Variants in SLC6A6 observed in about 807,000 individuals in gnomAD.
SLC6A6 encodes solute carrier family 6 member 6.
SLC6A6 carries 16 observed loss-of-function variants against 68.8 expected under a neutral mutation model. The ratio of observed to expected loss-of-function variants is 0.23; its 90% CI spans 0.16 to 0.35. The LOEUF is 0.35. Among genes scored for constraint, SLC6A6 ranks in the 10% least tolerant of loss-of-function variants. SLC6A6 has a pLI of 1.00. For synonymous variants in SLC6A6, 312 were observed against 315.4 expected, an observed-to-expected ratio of 0.99 and a Z score of 0.12; for missense variants, 474 against 802.8, an observed-to-expected ratio of 0.59 and a Z score of 4.95.
At chr3:14,469,638 A>T (rs1333260796) in intron 9 of SLC6A6, among the ~76,000 whole-genome samples, 1 of 152,128 alleles carries the variant, frequency 6.6e-6, no homozygotes, top group Non-Finnish European at 1.5e-5. Context: ...AGGCCTTCTG[A>T]CACAAGGGTG....
chr3:14,410,340 C>A (rs1287245136), intron 1 of SLC6A6, among the ~76,000 whole-genome samples: 2 of 152,172 alleles, frequency 1.3e-5, no homozygotes, highest in Non-Finnish European at 2.9e-5. Flanking sequence ...TGATATTGTT[C>A]ATGACTCTCA....
In SLC6A6 at chr3:14,481,509, C is replaced by CG. The variant is rs369786603; in HGVS notation, c.1552-155dup. On this transcript the variant is annotated intron_variant, in intron 13 of 14. Coordinates refer to ENST00000622186, the MANE Select transcript of SLC6A6 (RefSeq NM_003043.6). The surrounding 1 kb of genome is among the most constrained non-coding windows in gnomAD (Gnocchi z 4.7). ...ACGACTTACTGTGTTTTTACCGGGG[C>CG]GGGGGGGATCCTTATGGCAGCAGAG... is the stretch of plus-strand genomic sequence containing the variant. 4.6e-5 allele frequency among the ~76,000 whole-genome samples: 7 copies of CG among 150,874 alleles called. No individual in the cohort carries two copies. The highest frequency in any genetic ancestry group is 5.9e-5 in the Non-Finnish European group (4 of 67,748).
rs950572109 is a variant in SLC6A6, at chr3:14,468,627, G to A, written c.1096+415G>A. On this transcript the variant is annotated intron_variant, in intron 9 of 14. Transcript: ENST00000622186. The surrounding 1 kb of genome is among the most constrained non-coding windows in gnomAD (Gnocchi z 4.5). ...TTCTGTATTTTGCACTTTGCTCCCA[G>A]CGTGCTCCCTCTAAGCAGACGCATT... Among the ~76,000 whole-genome samples, 1 of 152,208 alleles carries A rather than the reference G, an allele frequency of 6.6e-6. No individual in the cohort carries two copies. Among genetic ancestry groups the A allele is most frequent in the African/African-American group, 2.4e-5 (1 of 41,516 alleles).
intron 14 of SLC6A6, among the ~76,000 whole-genome samples, chr3:14,484,288 C>T (rs541229582): frequency 2.1e-3 from 327 of 152,312 alleles, no homozygotes; most frequent in Non-Finnish European, 1.4e-3. Context: ...AGCTCAAATG[C>T]GAGCAAGGTT....
intron 2 of SLC6A6, among the ~76,000 whole-genome samples, chr3:14,420,950 G>A (rs1699471869): frequency 2.0e-5 from 3 of 152,324 alleles, no homozygotes; most frequent in African/African-American, 4.8e-5. Flanking sequence ...TTGAGTGGGC[G>A]TCTTTACACG....
intron 3 of SLC6A6, chr3:14,444,624 T>C: frequency 2.4e-6 from 1 of 413,228 alleles, no homozygotes; most frequent in Non-Finnish European, 4.9e-6. Flanking sequence ...GGTGACTGCT[T>C]GTTGTCAAAG....
chr3:14,469,514 T>G (rs1700703956), intron 9 of SLC6A6, among the ~76,000 whole-genome samples: 1 of 152,192 alleles, frequency 6.6e-6, no homozygotes, highest in South Asian at 2.1e-4. Flanking sequence ...TGTTCCCTTC[T>G]CAGATGAGGA....
Position 14,477,293 on chromosome 3 carries a change from C to G in SLC6A6, c.1298C>G (p.Ala433Gly). Residue 433 changes from alanine to glycine, a missense_variant, in exon 11 of 15, where the codon GCC becomes GGC. Physicochemically the swap from Ala to Gly is moderately conservative, Grantham distance 60. Around this residue, in one of 2 missense-constraint regions of SLC6A6, gnomAD observed 194 missense variants for 269.8 expected, o/e 0.72. Coordinates refer to ENST00000622186, the MANE Select transcript of SLC6A6 (RefSeq NM_003043.6). This position sits in a 1 kb window ranked among gnomAD's most constrained non-coding sequence, Gnocchi z 4.2. ...RKGYRREIFI[A>G]FVCSISYLLG... ...GGTTATCGTCGGGAAATCTTCATCG[C>G]CTTCGTGTGTAGCATCAGCTACCTG... 1 of 1,614,090 alleles carries G rather than the reference C, an allele frequency of 6.2e-7. No homozygotes were observed. Among genetic ancestry groups the G allele is most frequent in the Non-Finnish European group, 8.5e-7 (1 of 1,179,898 alleles).
At chr3:14,453,910 A>G (rs1236946190) in intron 5 of SLC6A6, among the ~76,000 whole-genome samples, 3 of 152,146 alleles carry the variant, frequency 2.0e-5, no homozygotes, top group African/African-American at 2.4e-5. Context: ...TGTTCAGGGA[A>G]TGGCCCAGAT....
chr3:14,448,106 G>C (rs1027475205), intron 5 of SLC6A6: 17 of 1,130,738 alleles, frequency 1.5e-5, no homozygotes, highest in Non-Finnish European at 2.0e-5. Context: ...AGGCAGGTAT[G>C]CATACTTATG....
chr3:14,431,398 C>T (rs1699720969), intron 2 of SLC6A6, among the ~76,000 whole-genome samples: 1 of 152,190 alleles, frequency 6.6e-6, no homozygotes, highest in African/African-American at 2.4e-5. Flanking sequence ...AAGCAGGACC[C>T]GGGTGACTGG....
Position 14,481,817 on chromosome 3 carries a change from C to T in SLC6A6, c.1698C>T (p.Cys566=). The T allele has an allele frequency of 6.2e-7, 1 of 1,614,034 alleles. No individual in the cohort carries two copies. Reference sequence around the variant, plus strand: ...CCTTGGTCATCGTCATCCGCCTCTGCCAGACTGAGGGGCCGTTCCTTGTGG... The same window carrying T: ...CCTTGGTCATCGTCATCCGCCTCTGTCAGACTGAGGGGCCGTTCCTTGTGG... The part of the protein sequence containing the change: ...CVPLVIVIRL[C]QTEGPFLVRV... The change falls in exon 14 of 15, where the codon TGC becomes TGT. Residue 566 remains cysteine, a synonymous_variant. Coordinates refer to ENST00000622186, the MANE Select transcript of SLC6A6 (RefSeq NM_003043.6). This position sits in a 1 kb window ranked among gnomAD's most constrained non-coding sequence, Gnocchi z 4.7.
chr3:14,467,573 C>T (rs1700649682), intron 7 of SLC6A6, among the ~76,000 whole-genome samples: 1 of 152,118 alleles, frequency 6.6e-6, no homozygotes, highest in Admixed American at 6.5e-5. Flanking sequence ...ATTTACTTGC[C>T]CACTGTCATT....
chr3:14,462,594 G>C (rs1700520412), intron 6 of SLC6A6, among the ~76,000 whole-genome samples: 1 of 152,148 alleles, frequency 6.6e-6, no homozygotes, highest in African/African-American at 2.4e-5. Context: ...AGCTACTCAG[G>C]AGGCTGAGGT....
At position 14,431,512 on chromosome 3, in the gene SLC6A6, A is replaced by G. The variant is rs549460817; in HGVS notation, c.-11-12112A>G. On this transcript the variant is annotated intron_variant, in intron 2 of 14. Transcript: ENST00000622186. ...GGGGTACCTGCTCATTAGGCAGGGG[A>G]AGAGTGTACCGGGCTGAGGGCACAG... 9.6e-4 allele frequency among the ~76,000 whole-genome samples: 146 copies of G among 152,222 alleles called. 1 individual carries two copies. The highest frequency in any genetic ancestry group is 3.5e-3 in the African/African-American group (145 of 41,516).
Position 14,481,921 on chromosome 3 carries a change from C to T in SLC6A6, c.1722+80C>T. The T allele has an allele frequency of 8.1e-7, 1 of 1,241,112 alleles. No individual in the cohort carries two copies. The allele number at this position is 1,241,112 out of a possible 1,614,324, so 76.9% of individuals were successfully genotyped here. On this transcript the variant is annotated intron_variant, in intron 14 of 14. Coordinates refer to ENST00000622186, the MANE Select transcript of SLC6A6 (RefSeq NM_003043.6). This position sits in a 1 kb window ranked among gnomAD's most constrained non-coding sequence, Gnocchi z 4.7. ...TTGTTGTCAGTTTGCTGCGTGATCT[C>T]AGGCAAGTCACCTGCCCTCTCTGAG...
At chr3:14,457,913 G>C in intron 5 of SLC6A6, 37 bp from the exon 6 acceptor site, 1 of 1,611,756 alleles carries the variant, frequency 6.2e-7, no homozygotes, top group South Asian at 1.1e-5. Context: ...CCAGGGCCAG[G>C]CCCCTCACTG....
At chr3:14,422,968 T>G (rs1574916308) in intron 2 of SLC6A6, among the ~76,000 whole-genome samples, 2 of 152,200 alleles carry the variant, frequency 1.3e-5, no homozygotes, top group African/African-American at 4.8e-5. Flanking sequence ...CTCTTGTCCC[T>G]TAAGTTACTG....
At chr3:14,478,205 C>T (rs1384007887) in intron 11 of SLC6A6, among the ~76,000 whole-genome samples, 2 of 152,230 alleles carry the variant, frequency 1.3e-5, no homozygotes, top group African/African-American at 4.8e-5. Context: ...CTGTCAGCTG[C>T]ACTTGGTGTG....
Sources: allele counts gnomAD v4.1 joint callset (sites outside exome capture counted in the v4.1 genomes callset), GRCh38; gene constraint gnomAD v4.1.1; regional missense constraint gnomAD v4.1.1; non-coding constraint Gnocchi (gnomAD v3.1); transcripts MANE v1.5; gene names NCBI Gene and HGNC (gene_info 2026-07-23, HGNC 2026-07-21).